Variants in TENM2 observed in about 807,000 individuals in gnomAD.
The protein encoded by TENM2 is teneurin transmembrane protein 2.
Under a neutral mutation model 245.2 loss-of-function variants are expected in TENM2, and 52 were observed. The ratio of observed to expected loss-of-function variants is 0.21; its 90% CI spans 0.17 to 0.27. The LOEUF is 0.27. Among genes scored for constraint, TENM2 ranks in the 10% least tolerant of loss-of-function variants. The pLI, the probability that TENM2 is intolerant of heterozygous loss-of-function variation, is 1.00. For synonymous variants in TENM2, 1,363 were observed against 1,438.9 expected (o/e 0.95, Z 1.19); for missense variants, 3,046 against 3,666.8 (o/e 0.83, Z 4.37).
chr5:168,206,532 G>T (rs1015300569), intron 19 of TENM2, among the ~76,000 whole-genome samples: 1 of 152,192 alleles, frequency 6.6e-6, no homozygotes, highest in Non-Finnish European at 1.5e-5. Flanking sequence ...ACAGGCCTGG[G>T]GTGGAGGAGG....
intron 2 of TENM2, among the ~76,000 whole-genome samples, chr5:167,672,748 A>G (rs1434442314): frequency 4.6e-5 from 7 of 152,084 alleles, no homozygotes; most frequent in African/African-American, 1.7e-4. Context: ...TCACGCAGGC[A>G]CCTATTTCTC....
At chr5:167,179,478 A>G in the TENM2 span, among the ~76,000 whole-genome samples, 1 of 152,044 alleles carries the variant, frequency 6.6e-6, no homozygotes. Context: ...ATTTTATTTC[A>G]TTCCTGGAGA....
chr5:167,941,106 A>G, intron 3 of TENM2, among the ~76,000 whole-genome samples: 1 of 152,254 alleles, frequency 6.6e-6, no homozygotes. Context: ...GACTTAAACC[A>G]TCTAAATGTG....
intron 2 of TENM2, among the ~76,000 whole-genome samples, chr5:167,490,168 A>G (rs757749235): frequency 6.6e-6 from 1 of 152,184 alleles, no homozygotes; most frequent in Non-Finnish European, 1.5e-5. Context: ...CGCAGTTACA[A>G]AAGTACCCTT....
rs34311803 is a variant in TENM2 at position 167,569,078 on chromosome 5, CTTTTTTTTTTTTT to C, written c.502+193623_502+193635del. ...ATCAATGAGTATCACCTTCCTACAGCTTTTTTTTTTTTTTTTTTTTTTTTTTTTTTGCAGAGAA... is the reference window on the plus strand; with the variant it reads ...ATCAATGAGTATCACCTTCCTACAGCTTTTTTTTTTTTTTTTTGCAGAGAA... On this transcript the variant is annotated intron_variant, in intron 2 of 28. Coordinates refer to ENST00000518659, the Ensembl canonical transcript of TENM2. 1.8e-4 allele frequency among the ~76,000 whole-genome samples: 9 copies of C among 48,966 alleles called. No homozygotes were observed. In the South Asian group the frequency reaches 4.3e-3, roughly 23 times the overall value. 32.1% of individuals were successfully genotyped at this position (48,966 alleles called of 152,430 possible). A position where few individuals can be genotyped will look rare whatever the true frequency, so the allele number is the denominator to read the frequency against.
At chr5:167,562,957 C>CAAAAA (rs58779751) in intron 2 of TENM2, among the ~76,000 whole-genome samples, 2 of 77,586 alleles carry the variant, frequency 2.6e-5, no homozygotes, top group Non-Finnish European at 5.8e-5. Flanking sequence ...AATTCTGTCT[C>CAAAAA]AAAAAAAAAA....
intron 2 of TENM2, among the ~76,000 whole-genome samples, chr5:167,424,679 A>C (rs1300136830): frequency 2.6e-5 from 4 of 152,044 alleles, no homozygotes; most frequent in African/African-American, 9.7e-5. Context: ...GAAATGTAAA[A>C]TTACATCTTG....
chr5:168,097,922 G>T, intron 8 of TENM2, 104 bp from the exon 11 acceptor site: 1 of 761,100 alleles, frequency 1.3e-6, no homozygotes. Context: ...ACAGGCATCT[G>T]AGATTACTAC....
intron 1 of TENM2, among the ~76,000 whole-genome samples, chr5:167,297,178 A>T (rs1377648495): frequency 1.3e-5 from 2 of 152,236 alleles, no homozygotes; most frequent in Non-Finnish European, 2.9e-5. Flanking sequence ...TACTTAGCAT[A>T]GTGACTTAGA....
chr5:167,214,154 G>T, the TENM2 span, among the ~76,000 whole-genome samples: 1 of 152,166 alleles, frequency 6.6e-6, no homozygotes, highest in East Asian at 1.9e-4. Context: ...TGAAACTGTC[G>T]TGTGATGGTA....
intron 2 of TENM2, among the ~76,000 whole-genome samples, chr5:167,749,068 A>T (rs554712495): frequency 3.3e-5 from 5 of 152,112 alleles, no homozygotes; most frequent in African/African-American, 9.6e-5. Flanking sequence ...TTGTATCTTC[A>T]TTTTTTTAAA....
At chr5:167,660,674 A>T (rs1755153600) in intron 2 of TENM2, among the ~76,000 whole-genome samples, 1 of 152,024 alleles carries the variant, frequency 6.6e-6, no homozygotes, top group South Asian at 2.1e-4. Context: ...ACAGTAACTT[A>T]TCATTTTTTA....
chr5:167,910,115 TC>T (rs1776434379), intron 3 of TENM2, among the ~76,000 whole-genome samples: 2 of 152,168 alleles, frequency 1.3e-5, no homozygotes. Context: ...ATGAAAATGT[TC>T]TCTCATGGTT....
chr5:167,510,485 A>G (rs114760176), intron 2 of TENM2, among the ~76,000 whole-genome samples: 2,275 of 152,318 alleles, frequency 0.015, 31 homozygotes, highest in Non-Finnish European at 0.025. Context: ...GAAAAGGGAA[A>G]TAAGTGTGGA....
chr5:167,001,476 G>T, the TENM2 span, among the ~76,000 whole-genome samples: 2 of 151,502 alleles, frequency 1.3e-5, no homozygotes, highest in African/African-American at 4.9e-5. Context: ...GATGACATGC[G>T]GGAACATCTG....
chr5:168,118,333 A>C (rs1795231816), exon 10 of TENM2: 6 of 1,609,000 alleles, frequency 3.7e-6, no homozygotes, highest in Non-Finnish European at 4.3e-6. Flanking sequence ...ACAATATTCT[A>C]AAGGGACGTG....
intron 1 of TENM2, among the ~76,000 whole-genome samples, chr5:167,339,700 C>T (rs896046678): frequency 6.6e-6 from 1 of 151,820 alleles, no homozygotes; most frequent in East Asian, 1.9e-4. Flanking sequence ...GTGTTGAAAA[C>T]CTAATCTCCA....
chr5:167,861,737 ACAC>A (rs1771830100), intron 2 of TENM2, among the ~76,000 whole-genome samples: 1 of 152,200 alleles, frequency 6.6e-6, no homozygotes, highest in Admixed American at 6.5e-5. Flanking sequence ...TTAGAAGGGC[ACAC>A]ATTTAATTTG....
intron 20 of TENM2, among the ~76,000 whole-genome samples, chr5:168,214,001 G>C (rs1319737073): frequency 1.3e-5 from 2 of 152,192 alleles, no homozygotes; most frequent in Non-Finnish European, 2.9e-5. Context: ...ACCAGTGACA[G>C]GCACTACAAA....
Sources: gnomAD v4.1 joint callset for allele counts (sites outside exome capture counted in the v4.1 genomes callset) on GRCh38, gnomAD v4.1.1 for gene constraint, MANE v1.5 for transcripts, NCBI Gene and HGNC (gene_info 2026-07-23, HGNC 2026-07-21) for gene names.